The following NUP153 variants were observed in gnomAD, a reference collection of about 807,000 sequenced individuals.
NUP153 encodes the protein nucleoporin 153.
NUP153 carries 27 observed loss-of-function variants against 134.6 expected under a neutral mutation model. The observed-to-expected ratio is 0.20, with a 90% CI of 0.15 to 0.28. The LOEUF (loss-of-function observed/expected upper bound fraction) is 0.28, where lower values mean the gene tolerates loss of function less well. Ranked by LOEUF, NUP153 falls within the 10% of genes least tolerant of loss-of-function variation. The pLI is 1.00. For missense variants in NUP153, 1,821 were observed against 1,731.3 expected (o/e 1.05, Z -0.92); for synonymous variants, 640 against 623.5 (o/e 1.03, Z -0.40).
chr6:17,616,239 G>A (rs532668790), intron 21 of NUP153, 58 bp from the exon 22 acceptor site: 124 of 827,286 alleles, frequency 1.5e-4, no homozygotes, highest in Non-Finnish European at 2.0e-4. Context: ...ATTTCCAAAT[G>A]CTAACATTTA....
intron 1 of NUP153, among the ~76,000 whole-genome samples, chr6:17,689,726 T>C (rs1007148538): frequency 1.8e-4 from 28 of 151,840 alleles, no homozygotes; most frequent in Non-Finnish European, 3.4e-4. Flanking sequence ...GGTTTCTCCA[T>C]GTTGGTCAGG....
At chr6:17,633,881 T>C (rs917533014) in intron 16 of NUP153, among the ~76,000 whole-genome samples, 10 of 152,118 alleles carry the variant, frequency 6.6e-5, no homozygotes, top group African/African-American at 2.4e-4. Flanking sequence ...CTTGGCCCAC[T>C]GTCCTCACAA....
intron 5 of NUP153, among the ~76,000 whole-genome samples, chr6:17,671,906 G>A (rs1245691930): frequency 6.6e-6 from 1 of 152,172 alleles, no homozygotes; most frequent in African/African-American, 2.4e-5. Context: ...TACTTGGGAG[G>A]CTGAGGCAGG....
chr6:17,645,011 G>C (rs1422933891), intron 14 of NUP153, among the ~76,000 whole-genome samples: 1 of 152,088 alleles, frequency 6.6e-6, no homozygotes, highest in African/African-American at 2.4e-5. Flanking sequence ...CATGAACCTG[G>C]GAGGCGGAGG....
At position 17,665,973 on chromosome 6, in the gene NUP153, G is replaced by A. The variant is rs1481419921; in HGVS notation, c.1069-588C>T. On this transcript the variant is annotated intron_variant, in intron 8 of 21. Transcript: ENST00000262077. The stretch of plus-strand genomic sequence containing the variant: ...CAAAGTGCTGAGATTACAGACATGA[G>A]GCAACTCACCTGGCTTTTTTTTTTT... Among the ~76,000 whole-genome samples, 4 of 151,000 alleles carry A rather than the reference G, an allele frequency of 2.6e-5. No individual in the cohort carries two copies. In the East Asian group the frequency reaches 5.8e-4, roughly 22 times the overall value.
At chr6:17,654,435 C>T (rs975515191) in intron 11 of NUP153, among the ~76,000 whole-genome samples, 3 of 151,986 alleles carry the variant, frequency 2.0e-5, no homozygotes, top group African/African-American at 7.3e-5. Context: ...GATTCTCCTG[C>T]CTCAGCCTCC....
At chr6:17,669,695 A>T in intron 5 of NUP153, 149 bp from the exon 6 acceptor site, 1 of 625,180 alleles carries the variant, frequency 1.6e-6, no homozygotes, top group African/African-American at 1.8e-5. Flanking sequence ...TGGTATCATT[A>T]AAAGTTCAAT....
At chr6:17,698,130 A>G (rs1769785524) in intron 1 of NUP153, among the ~76,000 whole-genome samples, 1 of 152,192 alleles carries the variant, frequency 6.6e-6, no homozygotes, top group South Asian at 2.1e-4. Flanking sequence ...AGGTTCTGGA[A>G]TCTTATTCTC....
intron 5 of NUP153, among the ~76,000 whole-genome samples, 179 bp from the exon 6 acceptor site, chr6:17,669,725 C>T (rs1162243941): frequency 6.6e-6 from 1 of 152,144 alleles, no homozygotes; most frequent in Non-Finnish European, 1.5e-5. Context: ...TATGCCTTTA[C>T]TGGAAATCCA....
intron 11 of NUP153, among the ~76,000 whole-genome samples, chr6:17,659,310 C>CA (rs1561882218): frequency 6.6e-6 from 1 of 152,096 alleles, no homozygotes; most frequent in African/African-American, 2.4e-5. Context: ...TTCTCGTTGG[C>CA]AAAAATGTGT....
At chr6:17,653,227 T>C (rs996683780) in intron 11 of NUP153, among the ~76,000 whole-genome samples, 17 of 152,252 alleles carry the variant, frequency 1.1e-4, no homozygotes, top group Admixed American at 9.8e-4. Context: ...CACTCCAGCC[T>C]GGGCGACAGA....
intron 1 of NUP153, among the ~76,000 whole-genome samples, chr6:17,693,488 C>A (rs1230117335): frequency 2.0e-5 from 3 of 152,212 alleles, no homozygotes; most frequent in African/African-American, 7.2e-5. Flanking sequence ...TTCTTCCAGT[C>A]CTAGAGAAGG....
chr6:17,649,968 T>C (rs985558684), intron 11 of NUP153, among the ~76,000 whole-genome samples: 1 of 152,140 alleles, frequency 6.6e-6, no homozygotes, highest in African/African-American at 2.4e-5. Context: ...ATTTAGTAAC[T>C]GTCAGTACTG....
chr6:17,637,020 CAA>C (rs1259440830), intron 16 of NUP153, 131 bp downstream of exon 16: 1 of 899,746 alleles, frequency 1.1e-6, no homozygotes, highest in Admixed American at 2.6e-5. Flanking sequence ...ATTTTTACCT[CAA>C]GATAGTTTAG....
chr6:17,618,562 C>CTT (rs34236407), intron 20 of NUP153, among the ~76,000 whole-genome samples: 1 of 133,468 alleles, frequency 7.5e-6, no homozygotes, highest in Non-Finnish European at 1.7e-5. Context: ...TAAAATCTCT[C>CTT]TTTTTTTTTT....
intron 16 of NUP153, among the ~76,000 whole-genome samples, chr6:17,633,642 A>G (rs1226903941): frequency 1.3e-5 from 2 of 152,228 alleles, no homozygotes. Context: ...CACAGAGGTG[A>G]CAAATCTTAA....
At chr6:17,663,447 A>G (rs1158191544) in intron 9 of NUP153, among the ~76,000 whole-genome samples, 2 of 152,056 alleles carry the variant, frequency 1.3e-5, no homozygotes, top group African/African-American at 4.8e-5. Context: ...TATTTCTTCT[A>G]GAGATAAGGT....
chr6:17,704,480 TA>T (rs953750723), intron 1 of NUP153, among the ~76,000 whole-genome samples: 2 of 152,204 alleles, frequency 1.3e-5, no homozygotes, highest in African/African-American at 4.8e-5. Flanking sequence ...ACTTCCATTC[TA>T]CAGACGGATT....
At chr6:17,629,591 A>T in intron 17 of NUP153, 52 bp from the exon 18 acceptor site, 2 of 1,488,502 alleles carry the variant, frequency 1.3e-6, no homozygotes, top group Non-Finnish European at 1.8e-6. Context: ...TGATCCTCTC[A>T]AACAAAATGT....
Sources: gnomAD v4.1 joint callset for allele counts (sites outside exome capture counted in the v4.1 genomes callset) on GRCh38, gnomAD v4.1.1 for gene constraint, MANE v1.5 for transcripts, NCBI Gene and HGNC (gene_info 2026-07-23, HGNC 2026-07-21) for gene names.